SARNP: variants seen among roughly 807,000 people sequenced by gnomAD.
SARNP encodes the protein SAP domain containing ribonucleoprotein.
Under a neutral mutation model 38.1 loss-of-function variants are expected in SARNP, and 5 were observed. The observed-to-expected ratio is 0.13, with a 90% CI of 0.07 to 0.28. The LOEUF is 0.28. SARNP is among the 10% of genes least tolerant of loss of function. SARNP has a pLI of 1.00. For missense variants in SARNP, 180 were observed against 243.9 expected (o/e 0.74, Z 1.75); for synonymous variants, 84 against 80.6 (o/e 1.04, Z -0.23).
chr12:55,802,217 G>GT (rs1879999807), intron 2 of SARNP, among the ~76,000 whole-genome samples: 1 of 152,046 alleles, frequency 6.6e-6, no homozygotes, highest in East Asian at 1.9e-4. Context: ...TAATTTGGGA[G>GT]TCCTTAGTCA....
At chr12:55,776,541 C>T (rs1592563269) in intron 9 of SARNP, among the ~76,000 whole-genome samples, 1 of 152,156 alleles carries the variant, frequency 6.6e-6, no homozygotes, top group Non-Finnish European at 1.5e-5. Flanking sequence ...TACAATACTG[C>T]TTCATTTGTA....
rs1339856041 is a variant in SARNP at position 55,768,218 on chromosome 12, C to T, written c.502-7578G>A. Among the ~76,000 whole-genome samples the T allele has an allele frequency of 4.6e-5, 7 of 152,186 alleles. 1 individual carries two copies. Among genetic ancestry groups the T allele is most frequent in the South Asian group, 2.1e-4 (1 of 4,826 alleles). ...TCGGCTCACTGCAACCTCCGCCTCC[C>T]GGGTTCAGGCGATTCTCCTGCCCCA... On this transcript the variant is annotated intron_variant, in intron 9 of 10. Coordinates refer to ENST00000336133, the MANE Select transcript of SARNP (RefSeq NM_033082.4).
chr12:55,765,228 C>T (rs894687713), intron 9 of SARNP, among the ~76,000 whole-genome samples: 11 of 152,164 alleles, frequency 7.2e-5, no homozygotes, highest in African/African-American at 2.7e-4. Flanking sequence ...ACCCTGAGGC[C>T]AAGCCCTCCC....
chr12:55,791,564 G>A (rs889166699), intron 7 of SARNP, among the ~76,000 whole-genome samples: 2 of 152,054 alleles, frequency 1.3e-5, no homozygotes, highest in Non-Finnish European at 2.9e-5. Flanking sequence ...GCGTGGTGGC[G>A]TACACCTGTA....
Position 55,767,663 on chromosome 12 carries a change from C to T in SARNP, c.502-7023G>A, listed in dbSNP as rs568677877. 2.9e-3 allele frequency among the ~76,000 whole-genome samples: 435 copies of T among 151,624 alleles called. 2 individuals are homozygous for T. The highest frequency in any genetic ancestry group is 0.017 in the Middle Eastern group (5 of 292). On this transcript the variant is annotated intron_variant, in intron 9 of 10. Coordinates refer to ENST00000336133, the MANE Select transcript of SARNP (RefSeq NM_033082.4). ...GAGATCGAGACCATCCTGGCTAACA[C>T]GGTGAAACCCCGTCTCTACTAAATA...
At chr12:55,805,239 CG>C (rs1413625320) in intron 1 of SARNP, among the ~76,000 whole-genome samples, 1 of 151,986 alleles carries the variant, frequency 6.6e-6, no homozygotes, top group Non-Finnish European at 1.5e-5. Flanking sequence ...CCAGCCTGGG[CG>C]AAAGTGCGAG....
chr12:55,795,087 G>A (rs1211515552), intron 5 of SARNP, among the ~76,000 whole-genome samples: 2 of 151,778 alleles, frequency 1.3e-5, no homozygotes, highest in African/African-American at 4.8e-5. Flanking sequence ...AGCCTCCTGA[G>A]TAGCTGGGAT....
chr12:55,813,539 ATTTTT>A (rs11412761), intron 1 of SARNP, among the ~76,000 whole-genome samples: 1 of 108,088 alleles, frequency 9.3e-6, no homozygotes, highest in Admixed American at 1.1e-4. Context: ...GCTGCCTGGA[ATTTTT>A]TTTTTTTTTT....
chr12:55,774,630 C>T (rs912994230), intron 9 of SARNP, among the ~76,000 whole-genome samples: 1 of 148,420 alleles, frequency 6.7e-6, no homozygotes, highest in East Asian at 2.0e-4. Flanking sequence ...CACCTGTAAT[C>T]CCAGCTACTC....
At chr12:55,811,179 T>C (rs922396684) in intron 1 of SARNP, among the ~76,000 whole-genome samples, 18 of 152,296 alleles carry the variant, frequency 1.2e-4, no homozygotes, top group Middle Eastern at 3.4e-3. Flanking sequence ...ATAACATATA[T>C]GATGGGAACT....
chr12:55,766,829 CCAGGCTGGTCTTGAACTCCTAAGCTCAAG>C (rs1477259160), intron 9 of SARNP, among the ~76,000 whole-genome samples: 2 of 152,098 alleles, frequency 1.3e-5, no homozygotes, highest in Non-Finnish European at 2.9e-5. Flanking sequence ...ACCATGTTGC[CCAGGCTGGTCTTGAACTCCTAAGCTCAAG>C]CAATCTACCC....
intron 1 of SARNP, among the ~76,000 whole-genome samples, chr12:55,814,155 C>A (rs1880414249): frequency 6.6e-6 from 1 of 152,112 alleles, no homozygotes; most frequent in Admixed American, 6.5e-5. Context: ...AGGTTTTAAG[C>A]AGGGGAATGA....
At chr12:55,800,364 C>T (rs1879941840) in intron 4 of SARNP, among the ~76,000 whole-genome samples, 198 bp downstream of exon 4, 1 of 152,124 alleles carries the variant, frequency 6.6e-6, no homozygotes, top group South Asian at 2.1e-4. Flanking sequence ...TTACCTATTA[C>T]ATAACTCAGA....
At chr12:55,762,243 T>C (rs1227324774) in intron 9 of SARNP, among the ~76,000 whole-genome samples, 1 of 151,732 alleles carries the variant, frequency 6.6e-6, no homozygotes, top group Non-Finnish European at 1.5e-5. Flanking sequence ...GCTGAGATCA[T>C]GCCATTGCAG....
chr12:55,759,453 T>C (rs1012780569), intron 10 of SARNP, among the ~76,000 whole-genome samples: 15 of 151,682 alleles, frequency 9.9e-5, no homozygotes, highest in African/African-American at 3.1e-4. Flanking sequence ...TCTCACTCTG[T>C]AGCCCATGTT....
intron 1 of SARNP, among the ~76,000 whole-genome samples, chr12:55,811,780 C>T (rs189536316): frequency 3.3e-5 from 5 of 152,246 alleles, no homozygotes; most frequent in South Asian, 2.1e-4. Context: ...CTTCTTTGGG[C>T]GTCTTGTCAT....
intron 10 of SARNP, 120 bp downstream of exon 10, chr12:55,760,431 T>C (rs1323636576): frequency 3.1e-6 from 2 of 647,558 alleles, no homozygotes; most frequent in Admixed American, 2.8e-5. Flanking sequence ...AGACCCCAAC[T>C]CGACTTAAAT....
At chr12:55,794,236 T>C in intron 7 of SARNP, 123 bp downstream of exon 7, 1 of 867,528 alleles carries the variant, frequency 1.2e-6, no homozygotes, top group South Asian at 1.5e-5. Flanking sequence ...AGATGAATGT[T>C]ACAATCTCTT....
In SARNP at chr12:55,757,508, T is replaced by C. The variant is rs1406899294; in HGVS notation, c.*4A>G. On this transcript the variant is annotated 3_prime_UTR_variant, in exon 11 of 11. Transcript: ENST00000336133. ...GGAGAACAGAAAGTATCAGGAACTT[T>C]TCATCAGGCAATCCCAAAGCGCTCT... 1 of 1,605,570 alleles carries C rather than the reference T, an allele frequency of 6.2e-7. No individual in the cohort carries two copies. Among genetic ancestry groups the C allele is most frequent in the Non-Finnish European group, 8.5e-7 (1 of 1,177,686 alleles).
Sources: gnomAD v4.1 joint callset for allele counts (sites outside exome capture counted in the v4.1 genomes callset) on GRCh38, gnomAD v4.1.1 for gene constraint, MANE v1.5 for transcripts, NCBI Gene and HGNC (gene_info 2026-07-23, HGNC 2026-07-21) for gene names.